The following PRIMA1 variants were observed in gnomAD, a reference collection of about 807,000 sequenced individuals.
PRIMA1 encodes the protein proline rich membrane anchor 1, also known as proline-rich membrane anchor 1.
In PRIMA1, 7 loss-of-function variants were observed where a neutral mutation model predicts 17.5. The ratio of observed to expected loss-of-function variants is 0.40; its 90% CI spans 0.23 to 0.75. The LOEUF (loss-of-function observed/expected upper bound fraction) is 0.75, where lower values mean the gene tolerates loss of function less well. Among genes scored for constraint, PRIMA1 ranks in the 30% least tolerant of loss-of-function variants. The pLI is 0.37. For synonymous variants in PRIMA1, 97 were observed against 77.9 expected, an observed-to-expected ratio of 1.25 and a Z score of -1.29; for missense variants, 200 against 201.8, an observed-to-expected ratio of 0.99 and a Z score of 0.05.
intron 4 of PRIMA1, among the ~76,000 whole-genome samples, chr14:93,722,379 TGG>T (rs1415314317): frequency 3.2e-4 from 8 of 24,802 alleles, no homozygotes; most frequent in African/African-American, 8.0e-4. Flanking sequence ...CTGGTGGTAA[TGG>T]GGTGATGGTG....
chr14:93,767,399 GA>G (rs1316370238), intron 3 of PRIMA1, among the ~76,000 whole-genome samples: 1 of 152,204 alleles, frequency 6.6e-6, no homozygotes, highest in African/African-American at 2.4e-5. Flanking sequence ...TGCTGCTGGA[GA>G]GAGGAGGAGC....
At chr14:93,774,101 GA>G (rs1885141941) in intron 3 of PRIMA1, among the ~76,000 whole-genome samples, 1 of 151,662 alleles carries the variant, frequency 6.6e-6, no homozygotes, top group African/African-American at 2.4e-5. Context: ...CAAAAAAAAA[GA>G]AAAAAAATTC....
At chr14:93,747,476 G>C (rs990460866) in intron 3 of PRIMA1, among the ~76,000 whole-genome samples, 2 of 152,180 alleles carry the variant, frequency 1.3e-5, no homozygotes, top group Non-Finnish European at 2.9e-5. Context: ...AAAAGGGAGC[G>C]GCATCGTGGA....
intron 2 of PRIMA1, among the ~76,000 whole-genome samples, chr14:93,780,803 G>A (rs56158740): frequency 0.018 from 2,818 of 152,332 alleles, 45 homozygotes; most frequent in Non-Finnish European, 0.028. Context: ...AGAGTCTGGT[G>A]TTTCATGCCT....
chr14:93,750,264 G>C (rs1184075793), intron 3 of PRIMA1, among the ~76,000 whole-genome samples: 1 of 152,094 alleles, frequency 6.6e-6, no homozygotes, highest in Non-Finnish European at 1.5e-5. Flanking sequence ...GCATGGTGCT[G>C]CACACCTGTA....
chr14:93,758,277 A>G (rs1440282476), intron 3 of PRIMA1, among the ~76,000 whole-genome samples: 4 of 152,104 alleles, frequency 2.6e-5, no homozygotes, highest in Non-Finnish European at 5.9e-5. Context: ...AAGATGACAA[A>G]AAAGTTCCAG....
Position 93,752,294 on chromosome 14 carries a change from A to G in PRIMA1, c.230-14924T>C, listed in dbSNP as rs374786042. On this transcript the variant is annotated intron_variant, in intron 3 of 4. Coordinates refer to ENST00000393140, the MANE Select transcript of PRIMA1 (RefSeq NM_178013.4). ...TGAGGGTTCCGAAGGTCAAAGAAGC[A>G]AAGTCACAGAGCTGCGAGTAAAGTC... Among the ~76,000 whole-genome samples, 125 of 152,356 alleles carry G rather than the reference A, an allele frequency of 8.2e-4. 3 individuals carry two copies. The South Asian group carries it at 0.024, about 29-fold the overall frequency.
chr14:93,775,246 G>C (rs1404941187), intron 3 of PRIMA1, among the ~76,000 whole-genome samples: 1 of 152,216 alleles, frequency 6.6e-6, no homozygotes, highest in Non-Finnish European at 1.5e-5. Flanking sequence ...TGGCAGGAAG[G>C]GACACTCCAG....
At chr14:93,753,184 A>C (rs75990688) in intron 3 of PRIMA1, among the ~76,000 whole-genome samples, 2,885 of 152,246 alleles carry the variant, frequency 0.019, 96 homozygotes, top group African/African-American at 0.066. Flanking sequence ...AATCCCAGCC[A>C]ATTGAAGGAG....
rs1885347402 is a variant in PRIMA1 at position 93,780,508 on chromosome 14, C to T, written c.94-1197G>A. ...CCTTGGCCTGGTGTTTTTCCAGCAC[C>T]AATCTCAGCTTCCTCATGTGTCAAC... On this transcript the variant is annotated intron_variant, in intron 2 of 4. Transcript: ENST00000393140. Among the ~76,000 whole-genome samples the T allele has an allele frequency of 2.0e-5, 3 of 152,324 alleles. No homozygotes were observed. The South Asian group carries it at 6.2e-4, about 32-fold the overall frequency.
intron 2 of PRIMA1, among the ~76,000 whole-genome samples, chr14:93,785,658 TG>T (rs1170286699): frequency 6.6e-6 from 1 of 152,206 alleles, no homozygotes; most frequent in African/African-American, 2.4e-5. Context: ...TACGTTCCCT[TG>T]GATTTAGCTC....
intron 4 of PRIMA1, among the ~76,000 whole-genome samples, chr14:93,735,777 C>T (rs972621597): frequency 6.6e-6 from 1 of 151,574 alleles, no homozygotes; most frequent in African/African-American, 2.4e-5. Flanking sequence ...CTGCAACCTC[C>T]GCCTCCCAGG....
At chr14:93,743,215 C>T (rs1222742468) in intron 3 of PRIMA1, among the ~76,000 whole-genome samples, 3 of 152,204 alleles carry the variant, frequency 2.0e-5, no homozygotes, top group Non-Finnish European at 4.4e-5. Context: ...CCCCATGGCT[C>T]CCTGGTTCCG....
chr14:93,781,745 C>T (rs1317699437), intron 2 of PRIMA1, among the ~76,000 whole-genome samples: 6 of 152,130 alleles, frequency 3.9e-5, no homozygotes, highest in Middle Eastern at 3.4e-3. Flanking sequence ...GAGGCCAAGG[C>T]GGGCGGATCA....
intron 2 of PRIMA1, among the ~76,000 whole-genome samples, chr14:93,785,139 A>G (rs948782935): frequency 3.6e-5 from 5 of 140,148 alleles, no homozygotes; most frequent in Admixed American, 1.6e-4. Flanking sequence ...GATGAGACAT[A>G]CTCCTGTCAC....
chr14:93,756,545 G>A (rs894720306), intron 3 of PRIMA1, among the ~76,000 whole-genome samples: 3 of 147,256 alleles, frequency 2.0e-5, no homozygotes, highest in Non-Finnish European at 3.0e-5. Context: ...CCCCGACCCC[G>A]CCCCGGCCCT....
intron 4 of PRIMA1, among the ~76,000 whole-genome samples, chr14:93,735,920 C>T (rs1046100380): frequency 4.6e-5 from 7 of 152,106 alleles, no homozygotes; most frequent in Non-Finnish European, 7.4e-5. Flanking sequence ...AACTCCTGAC[C>T]TCAGGTGATC....
chr14:93,743,187 G>A (rs2076194660), intron 3 of PRIMA1, among the ~76,000 whole-genome samples: 1 of 152,244 alleles, frequency 6.6e-6, no homozygotes, highest in Admixed American at 6.5e-5. Flanking sequence ...TTGACCCTGT[G>A]AGTGGCAGCC....
upstream of PRIMA1, among the ~76,000 whole-genome samples, chr14:93,788,870 C>A (rs1003845978): frequency 1.3e-5 from 2 of 151,804 alleles, no homozygotes; most frequent in Non-Finnish European, 2.9e-5. Flanking sequence ...GCGTTGGCTC[C>A]CCGCCTTTCC....
Sources: allele counts gnomAD v4.1 joint callset (sites outside exome capture counted in the v4.1 genomes callset), GRCh38; gene constraint gnomAD v4.1.1; transcripts MANE v1.5; gene names NCBI Gene and HGNC (gene_info 2026-07-23, HGNC 2026-07-21).